The following CDC73 variants were observed in gnomAD, a reference collection of about 807,000 sequenced individuals.
CDC73 encodes parafibromin.
A neutral mutation model predicts 83.7 loss-of-function variants in CDC73; 21 were observed. The observed-to-expected ratio is 0.25, with a 90% CI of 0.18 to 0.36. The LOEUF (loss-of-function observed/expected upper bound fraction) is 0.36, where lower values mean the gene tolerates loss of function less well. Ranked by LOEUF, CDC73 falls within the 10% of genes least tolerant of loss-of-function variation. CDC73 has a pLI of 1.00. For missense variants in CDC73, 342 were observed against 653.3 expected, an observed-to-expected ratio of 0.52 and a Z score of 5.19; for synonymous variants, 224 against 212.9, an observed-to-expected ratio of 1.05 and a Z score of -0.45.
intron 10 of CDC73, among the ~76,000 whole-genome samples, chr1:193,173,607 A>T (rs918569544): frequency 2.3e-4 from 35 of 152,316 alleles, no homozygotes; most frequent in African/African-American, 8.4e-4. Context: ...CAAGCACCAT[A>T]AATTGCGTTT....
intron 13 of CDC73, among the ~76,000 whole-genome samples, chr1:193,226,286 C>T (rs369348097): frequency 1.3e-5 from 2 of 152,072 alleles, no homozygotes; most frequent in African/African-American, 2.4e-5. Context: ...TATTCTGTTC[C>T]GTTGGTCCTT....
chr1:193,240,023 C>A (rs929727585), intron 15 of CDC73, among the ~76,000 whole-genome samples: 1 of 152,142 alleles, frequency 6.6e-6, no homozygotes, highest in Non-Finnish European at 1.5e-5. Context: ...TACACACACC[C>A]TTCCAACCCT....
chr1:193,208,602 T>C (rs1677226946), intron 11 of CDC73, among the ~76,000 whole-genome samples: 1 of 152,234 alleles, frequency 6.6e-6, no homozygotes, highest in Non-Finnish European at 1.5e-5. Context: ...TTGTTTTTTT[T>C]CTTCCAGACT....
intron 10 of CDC73, among the ~76,000 whole-genome samples, chr1:193,196,125 T>C (rs1046574781): frequency 6.6e-6 from 1 of 152,196 alleles, no homozygotes; most frequent in Non-Finnish European, 1.5e-5. Context: ...TAGTTTTCAC[T>C]CTTAAGTTTA....
chr1:193,209,864 C>T, intron 11 of CDC73, among the ~76,000 whole-genome samples: 1 of 152,148 alleles, frequency 6.6e-6, no homozygotes, highest in Middle Eastern at 3.4e-3. Flanking sequence ...CTTTCTTCTT[C>T]CCTCTCTTCC....
chr1:193,183,662 A>T (rs922172430), intron 10 of CDC73, among the ~76,000 whole-genome samples: 5 of 151,702 alleles, frequency 3.3e-5, no homozygotes, highest in African/African-American at 1.2e-4. Context: ...CATATTTGGT[A>T]AATAATAATG....
chr1:193,124,362 AATTG>A (rs980749811), intron 1 of CDC73, among the ~76,000 whole-genome samples: 7 of 152,210 alleles, frequency 4.6e-5, no homozygotes, highest in Admixed American at 3.9e-4. Flanking sequence ...ATAGTACAAT[AATTG>A]ATGGTGTGTG....
At chr1:193,179,116 TTG>T (rs1357886648) in intron 10 of CDC73, 1 of 152,206 alleles carries the variant, frequency 6.6e-6, no homozygotes, top group African/African-American at 2.4e-5. Flanking sequence ...CATCCTAGAA[TTG>T]TGTTTGTCAA....
intron 5 of CDC73, among the ~76,000 whole-genome samples, chr1:193,136,235 T>C (rs1675797934): frequency 6.6e-6 from 1 of 152,154 alleles, no homozygotes; most frequent in Non-Finnish European, 1.5e-5. Flanking sequence ...TATGTTTCTA[T>C]AAAAAACTTC....
intron 13 of CDC73, among the ~76,000 whole-genome samples, chr1:193,231,951 T>C (rs934407502): frequency 1.3e-5 from 2 of 152,172 alleles, no homozygotes; most frequent in East Asian, 3.8e-4. Flanking sequence ...TAATAAAATA[T>C]GTTATTGGAC....
At chr1:193,132,805 A>G (rs1160071391) in intron 3 of CDC73, among the ~76,000 whole-genome samples, 1 of 151,288 alleles carries the variant, frequency 6.6e-6, no homozygotes, top group African/African-American at 2.4e-5. Flanking sequence ...TAAATAGGCT[A>G]GTTTTGGGGA....
intron 10 of CDC73, among the ~76,000 whole-genome samples, chr1:193,177,585 A>T (rs927203591): frequency 3.3e-5 from 5 of 151,472 alleles, no homozygotes; most frequent in African/African-American, 1.2e-4. Flanking sequence ...CTGCTTTACT[A>T]GCTGTGTGAT....
At chr1:193,164,366 A>G (rs1260389966) in intron 10 of CDC73, among the ~76,000 whole-genome samples, 3 of 152,218 alleles carry the variant, frequency 2.0e-5, no homozygotes, top group Non-Finnish European at 4.4e-5. Context: ...GCTGTAGCCC[A>G]GAGAAAGGCT....
chr1:193,245,113 A>G (rs551124644), intron 15 of CDC73, among the ~76,000 whole-genome samples: 10 of 152,358 alleles, frequency 6.6e-5, no homozygotes, highest in South Asian at 4.1e-4. Context: ...TAGCATAGCT[A>G]TCATCTCAAA....
chr1:193,194,722 T>C (rs1478668095), intron 10 of CDC73, among the ~76,000 whole-genome samples: 1 of 152,130 alleles, frequency 6.6e-6, no homozygotes, highest in Non-Finnish European at 1.5e-5. Flanking sequence ...CACATGGATG[T>C]CATTTTTTAA....
chr1:193,131,260 A>T (rs933094035), intron 3 of CDC73, among the ~76,000 whole-genome samples: 1 of 152,194 alleles, frequency 6.6e-6, no homozygotes, highest in African/African-American at 2.4e-5. Flanking sequence ...TTCCCACTTT[A>T]GTAAGGGGTA....
rs187352501 is a variant in CDC73 at position 193,153,431 on chromosome 1, C to G, written c.972+987C>G. Among the ~76,000 whole-genome samples the G allele has an allele frequency of 2.6e-5, 4 of 152,172 alleles. 1 individual carries two copies. In the East Asian group the frequency reaches 7.7e-4, roughly 29 times the overall value. ...ATGCATGTGTATTAAATAGAGTATA[C>G]TTAAGACACTAATACCAAACTTTTG... On this transcript the variant is annotated intron_variant, in intron 10 of 16. Transcript: ENST00000367435.
chr1:193,152,266 C>A, intron 9 of CDC73, 114 bp from the exon 10 acceptor site: 1 of 717,458 alleles, frequency 1.4e-6, no homozygotes, highest in Non-Finnish European at 2.5e-6. Context: ...AGATTCAAGG[C>A]TTTGTATATT....
intron 13 of CDC73, among the ~76,000 whole-genome samples, chr1:193,215,183 G>A (rs1677343520): frequency 6.6e-6 from 1 of 152,164 alleles, no homozygotes; most frequent in Non-Finnish European, 1.5e-5. Flanking sequence ...TCAACAGTTA[G>A]CCTTTAAAAG....
Sources: allele counts gnomAD v4.1 joint callset (sites outside exome capture counted in the v4.1 genomes callset), GRCh38; gene constraint gnomAD v4.1.1; transcripts MANE v1.5; gene names NCBI Gene and HGNC (gene_info 2026-07-23, HGNC 2026-07-21).